The following CXADR variants were observed in gnomAD, a reference collection of about 807,000 sequenced individuals.
CXADR encodes the protein CXADR cell adhesion molecule.
A neutral mutation model predicts 40.3 loss-of-function variants in CXADR; 20 were observed. The observed-to-expected ratio is 0.50, with a 90% CI of 0.35 to 0.72. CXADR has a LOEUF of 0.72. CXADR is among the 30% of genes least tolerant of loss of function. CXADR has a pLI of 0.01. For synonymous variants in CXADR, 150 were observed against 161.3 expected (o/e 0.93, Z 0.53); for missense variants, 332 against 449.1 (o/e 0.74, Z 2.36).
chr21:17,547,253 A>G, intron 2 of CXADR, 60 bp downstream of exon 2: 1 of 1,601,572 alleles, frequency 6.2e-7, no homozygotes, highest in Non-Finnish European at 8.5e-7. Flanking sequence ...TGATGTGTCC[A>G]TCACCTTGCC....
rs2737872 is a variant in CXADR at position 17,568,161 on chromosome 21, G to T, written c.*2469G>T. 1 of 951,056 alleles carries T rather than the reference G, an allele frequency of 1.1e-6. No individual in the cohort carries two copies. The allele number at this position is 951,056 out of a possible 1,614,324, so 58.9% of individuals were successfully genotyped here. A position where few individuals can be genotyped will look rare whatever the true frequency, so the allele number is the denominator to read the frequency against. ...TTTTTTTTTTTAAGACGGAGTCTCG[G>T]TCTGTCACCCAGGCTGGAGTGCAGT... is the stretch of plus-strand genomic sequence containing the variant. On this transcript the variant is annotated 3_prime_UTR_variant, in exon 7 of 7. Transcript: ENST00000284878.
At chr21:17,594,471 T>A, downstream of CXADR, 1 of 1,027,384 alleles carries the variant, frequency 9.7e-7, no homozygotes, top group Non-Finnish European at 1.4e-6. Context: ...CAGGTCTAAA[T>A]ACATTAAAAA....
chr21:17,514,901 A>G (rs1330562812), intron 1 of CXADR, among the ~76,000 whole-genome samples: 1 of 152,016 alleles, frequency 6.6e-6, no homozygotes, highest in Non-Finnish European at 1.5e-5. Context: ...TGGGATTACA[A>G]GCGTGAGCCA....
chr21:17,627,765 G>A, the CXADR span, among the ~76,000 whole-genome samples: 1 of 152,160 alleles, frequency 6.6e-6, no homozygotes, highest in African/African-American at 2.4e-5. Flanking sequence ...AAAGATGAGA[G>A]AGACAAAAGT....
chr21:17,601,534 C>CAA, the CXADR span, among the ~76,000 whole-genome samples: 1 of 152,096 alleles, frequency 6.6e-6, no homozygotes, highest in Non-Finnish European at 1.5e-5. Context: ...TAAAACAAAA[C>CAA]AAAACAAACA....
At chr21:17,538,203 G>C (rs541719446) in intron 1 of CXADR, among the ~76,000 whole-genome samples, 1 of 15,884 alleles carries the variant, frequency 6.3e-5, no homozygotes, top group South Asian at 3.6e-3. Flanking sequence ...GTTTCACCGT[G>C]TTAGCCAGGA....
the CXADR span, chr21:17,613,270 G>A: frequency 6.6e-6 from 1 of 152,264 alleles, no homozygotes; most frequent in Non-Finnish European, 1.5e-5. Context: ...CGGCCTTTTT[G>A]TTTCCCCCTC....
intron 2 of CXADR, among the ~76,000 whole-genome samples, chr21:17,551,157 T>C (rs1443491162): frequency 6.6e-6 from 1 of 152,172 alleles, no homozygotes; most frequent in Non-Finnish European, 1.5e-5. Context: ...CACAGCACTT[T>C]GGGAAGCCAA....
chr21:17,529,449 C>A (rs1278993850), intron 1 of CXADR, among the ~76,000 whole-genome samples: 1 of 151,966 alleles, frequency 6.6e-6, no homozygotes, highest in African/African-American at 2.4e-5. Context: ...ACCTGTTGAA[C>A]AGCTGGGATT....
intron 1 of CXADR, among the ~76,000 whole-genome samples, chr21:17,520,648 G>A (rs211956): frequency 0.74 from 112,906 of 152,194 alleles, 42,900 homozygotes; most frequent in Non-Finnish European, 0.81. Context: ...AGGTAGAACT[G>A]ATAGAGCTAA....
intron 1 of CXADR, among the ~76,000 whole-genome samples, chr21:17,529,672 C>A (rs1466455148): frequency 6.6e-6 from 1 of 152,208 alleles, no homozygotes; most frequent in Non-Finnish European, 1.5e-5. Flanking sequence ...ATGTATTTAA[C>A]ACAAAGACAA....
chr21:17,610,798 C>T, the CXADR span, among the ~76,000 whole-genome samples: 61 of 152,348 alleles, frequency 4.0e-4, 1 homozygote, highest in East Asian at 9.6e-3. Context: ...TGTGTTCCCA[C>T]ATTTCCAAAA....
the CXADR span, among the ~76,000 whole-genome samples, chr21:17,605,588 A>G: frequency 2.2e-3 from 329 of 152,326 alleles, no homozygotes; most frequent in Non-Finnish European, 3.5e-3. Flanking sequence ...GGCTTATTTC[A>G]TTTAACTTCT....
At chr21:17,628,116 A>G in the CXADR span, among the ~76,000 whole-genome samples, 3 of 152,340 alleles carry the variant, frequency 2.0e-5, no homozygotes, top group Admixed American at 2.0e-4. Context: ...CATTTCATTC[A>G]GCAAACCTTT....
chr21:17,516,292 C>T lies in CXADR; in HGVS notation c.43+3120C>T, dbSNP rs566911950. On this transcript the variant is annotated intron_variant, in intron 1 of 6. Coordinates refer to ENST00000284878, the MANE Select transcript of CXADR (RefSeq NM_001338.5). ...TGTGTTCTCATCACACTATGCTCTT[C>T]TGTCCCTACAGCAGCCACTTTCTCT... Among the ~76,000 whole-genome samples, 49 of 152,352 alleles carry T rather than the reference C, an allele frequency of 3.2e-4. 1 individual carries two copies. The South Asian group carries it at 9.9e-3, about 31-fold the overall frequency.
At chr21:17,582,524 G>A (rs550432910) in intron 7 of CXADR, among the ~76,000 whole-genome samples, 1 of 152,202 alleles carries the variant, frequency 6.6e-6, no homozygotes, top group East Asian at 1.9e-4. Flanking sequence ...GGAGCTCAGG[G>A]TCACCTGTCT....
chr21:17,529,070 ACT>A (rs2060636977), intron 1 of CXADR, among the ~76,000 whole-genome samples: 1 of 126,420 alleles, frequency 7.9e-6, no homozygotes, highest in Admixed American at 1.0e-4. Flanking sequence ...ACAGAGTCTC[ACT>A]CTGTCACCTA....
At chr21:17,594,457 T>C (rs1444965714), downstream of CXADR, 19 of 1,137,532 alleles carry the variant, frequency 1.7e-5, no homozygotes, top group Non-Finnish European at 2.4e-5. Flanking sequence ...GACACTCCTA[T>C]TGTCAGGTCT....
At chr21:17,545,398 G>C (rs1315209696) in intron 1 of CXADR, among the ~76,000 whole-genome samples, 1 of 152,098 alleles carries the variant, frequency 6.6e-6, no homozygotes, top group Non-Finnish European at 1.5e-5. Context: ...AGTTTTATGT[G>C]ATTGTTCACT....
Sources: allele counts gnomAD v4.1 joint callset (sites outside exome capture counted in the v4.1 genomes callset), GRCh38; gene constraint gnomAD v4.1.1; transcripts MANE v1.5; gene names NCBI Gene and HGNC (gene_info 2026-07-23, HGNC 2026-07-21).